EPB41L5: variants seen among roughly 807,000 people sequenced by gnomAD.
The protein encoded by EPB41L5 is band 4.1-like protein 5.
In EPB41L5, 55 loss-of-function variants were observed where a neutral mutation model predicts 106.6. That is an observed-to-expected ratio of 0.52 (90% confidence interval 0.42 to 0.65). The LOEUF (loss-of-function observed/expected upper bound fraction) is 0.65. EPB41L5 is among the 30% of genes least tolerant of loss of function. EPB41L5 has a pLI of 0.00. For missense variants in EPB41L5, 871 were observed against 882.1 expected, an observed-to-expected ratio of 0.99 and a Z score of 0.16; for synonymous variants, 297 against 306.7, an observed-to-expected ratio of 0.97 and a Z score of 0.33.
Position 120,013,529 on chromosome 2 carries a change from C to T in EPB41L5, c.-9+319C>T, listed in dbSNP as rs549626414. 7 of 152,364 alleles carry T rather than the reference C, an allele frequency of 4.6e-5. No individual in the cohort carries two copies. The South Asian group carries it at 1.5e-3, about 32-fold the overall frequency. The allele number at this position is 152,364 out of a possible 1,614,324, so 9.4% of individuals were successfully genotyped here. A position where few individuals can be genotyped will look rare whatever the true frequency, so the allele number is the denominator to read the frequency against. On this transcript the variant is annotated intron_variant, in intron 1 of 24. Coordinates refer to ENST00000263713, the MANE Select transcript of EPB41L5 (RefSeq NM_020909.4). ...ACGCGCTCCCCGAGCCGCGGGTACC[C>T]CTCGCTGGTCCGCTGGGCTGCCGTC...
intron 10 of EPB41L5, among the ~76,000 whole-genome samples, chr2:120,080,377 A>G (rs1259711207): frequency 6.6e-6 from 1 of 151,728 alleles, no homozygotes. Context: ...TTGTCCTTGC[A>G]ATAGTTTGCT....
chr2:120,144,061 T>C (rs1359265272), intron 19 of EPB41L5, among the ~76,000 whole-genome samples: 1 of 152,164 alleles, frequency 6.6e-6, no homozygotes, highest in African/African-American at 2.4e-5. Context: ...TGACCCTCAA[T>C]AGTTATAGTA....
chr2:120,123,646 C>CTTTTTTTTTTT (rs869296989), intron 16 of EPB41L5, among the ~76,000 whole-genome samples: 1 of 68,304 alleles, frequency 1.5e-5, no homozygotes, highest in Non-Finnish European at 2.8e-5. Flanking sequence ...GTGTTCGTCC[C>CTTTTTTTTTTT]TTTTTTTTTT....
At chr2:120,057,282 G>T (rs1363227140) in intron 3 of EPB41L5, among the ~76,000 whole-genome samples, 1 of 152,180 alleles carries the variant, frequency 6.6e-6, no homozygotes, top group Non-Finnish European at 1.5e-5. Context: ...TATTATTCTG[G>T]TAAACCAGAA....
chr2:120,087,815 A>G (rs945963575), intron 11 of EPB41L5, among the ~76,000 whole-genome samples: 1 of 139,910 alleles, frequency 7.1e-6, no homozygotes, highest in Non-Finnish European at 1.5e-5. Flanking sequence ...TAACTGATCA[A>G]AAAGATCTAC....
chr2:120,097,817 A>G (rs1340020821), intron 14 of EPB41L5, among the ~76,000 whole-genome samples: 1 of 152,270 alleles, frequency 6.6e-6, no homozygotes, highest in African/African-American at 2.4e-5. Context: ...GAAAGAATGT[A>G]TATAATTATC....
intron 18 of EPB41L5, among the ~76,000 whole-genome samples, chr2:120,135,220 TAGTG>T (rs1685872360): frequency 6.6e-6 from 1 of 151,870 alleles, no homozygotes; most frequent in East Asian, 1.9e-4. Flanking sequence ...AAGAAAGAAT[TAGTG>T]AGCTTGAAGA....
At chr2:120,106,579 G>T in intron 16 of EPB41L5, 1 of 985,336 alleles carries the variant, frequency 1.0e-6, no homozygotes, top group Non-Finnish European at 1.2e-6. Flanking sequence ...TGATCAAAGG[G>T]TGTCATCAGT....
At chr2:120,066,368 A>G (rs942713777) in intron 3 of EPB41L5, among the ~76,000 whole-genome samples, 2 of 152,228 alleles carry the variant, frequency 1.3e-5, no homozygotes, top group African/African-American at 2.4e-5. Flanking sequence ...AGAAAATTGT[A>G]TATCTTGACA....
At chr2:120,049,920 T>A (rs963993825) in intron 3 of EPB41L5, among the ~76,000 whole-genome samples, 1 of 152,198 alleles carries the variant, frequency 6.6e-6, no homozygotes, top group Non-Finnish European at 1.5e-5. Context: ...CCTTCACTTA[T>A]GAAGCTTAGT....
At chr2:120,136,476 A>T (rs968811249) in intron 18 of EPB41L5, among the ~76,000 whole-genome samples, 3 of 151,294 alleles carry the variant, frequency 2.0e-5, no homozygotes, top group Non-Finnish European at 4.4e-5. Flanking sequence ...TGGATTAAAA[A>T]AAAAAAAGCC....
rs1687892846 is a variant in EPB41L5, at chr2:120,175,640, C to T, written c.*733C>T. On this transcript the variant is annotated 3_prime_UTR_variant, in exon 25 of 25. Transcript: ENST00000263713. ...ACAGGAAGCACTCACAGGCACCACA[C>T]ACGTATCATGTAACTTATCAGTGGG... The T allele has an allele frequency of 6.6e-6, 1 of 152,098 alleles. No homozygotes were observed. Among genetic ancestry groups the T allele is most frequent in the Non-Finnish European group, 1.5e-5 (1 of 68,060 alleles). 9.4% of individuals were successfully genotyped at this position (152,098 alleles called of 1,614,324 possible).
At chr2:120,043,598 C>T (rs1023631817) in intron 3 of EPB41L5, among the ~76,000 whole-genome samples, 8 of 151,080 alleles carry the variant, frequency 5.3e-5, no homozygotes, top group Admixed American at 3.3e-4. Context: ...ATTAGCTGGG[C>T]GTGGCGGTGC....
chr2:120,086,791 G>GT (rs922295360), intron 10 of EPB41L5, among the ~76,000 whole-genome samples: 44 of 152,016 alleles, frequency 2.9e-4, no homozygotes, highest in Admixed American at 2.4e-3. Context: ...CTTTATGGCT[G>GT]TTTTTTTTAA....
chr2:120,118,217 C>T (rs1282122075), intron 16 of EPB41L5, among the ~76,000 whole-genome samples: 1 of 152,140 alleles, frequency 6.6e-6, no homozygotes, highest in Non-Finnish European at 1.5e-5. Context: ...TTGTTATTTT[C>T]CAGATGGCTT....
In EPB41L5 at chr2:120,121,007, C is replaced by A. The variant is rs192565638; in HGVS notation, c.1338-6681C>A. Among the ~76,000 whole-genome samples the A allele has an allele frequency of 1.6e-3, 248 of 152,258 alleles. 1 individual carries two copies. Among genetic ancestry groups the A allele is most frequent in the African/African-American group, 5.7e-3 (238 of 41,548 alleles). ...TGGCCGGCACCTGCAATCCCAGCCA[C>A]TGGTGAGGATAAGGCAGGAGAATCG... On this transcript the variant is annotated intron_variant, in intron 16 of 24. Transcript: ENST00000263713.
intron 3 of EPB41L5, among the ~76,000 whole-genome samples, chr2:120,053,092 T>A (rs1680398225): frequency 6.6e-6 from 1 of 152,200 alleles, no homozygotes; most frequent in African/African-American, 2.4e-5. Flanking sequence ...TTTATTTTTA[T>A]TTTTTGCTGT....
rs1683338432 is a variant in EPB41L5 at position 120,090,516 on chromosome 2, G to A, written c.1043G>A (p.Ser348Asn). 6.2e-7 allele frequency: 1 copy of A among 1,606,556 alleles called. No individual in the cohort carries two copies. The highest frequency in any genetic ancestry group is 1.3e-5 in the African/African-American group (1 of 74,556). ...FIRLGSRFRY[S>N]GKTEYQTTKT... Reference sequence around the variant, plus strand: ...CGACTAGGATCACGATTTAGATATAGGTTAATTTTAATTGCTGTTTTATCT... The same window carrying A: ...CGACTAGGATCACGATTTAGATATAAGTTAATTTTAATTGCTGTTTTATCT... The change falls in exon 12 of 25, where the codon AGT becomes AAT. Residue 348 changes from serine to asparagine, a missense_variant and splice_region_variant. By Grantham distance (46) the Ser-to-Asn change is conservative. Transcript: ENST00000263713.
Position 120,153,798 on chromosome 2 carries a change from A to G in EPB41L5, c.1794-7083A>G, listed in dbSNP as rs572416500. ...TTGATTTGAAGTCTATTTGTCTGAT[A>G]TTAGTATAGCAACCACAGCTGTCTT... On this transcript the variant is annotated intron_variant, in intron 20 of 24. Transcript: ENST00000263713. Among the ~76,000 whole-genome samples the G allele has an allele frequency of 5.9e-5, 9 of 152,274 alleles. No individual in the cohort carries two copies. In the South Asian group the frequency reaches 1.9e-3, roughly 32 times the overall value.
Sources: allele counts gnomAD v4.1 joint callset (sites outside exome capture counted in the v4.1 genomes callset), GRCh38; gene constraint gnomAD v4.1.1; transcripts MANE v1.5; gene names NCBI Gene and HGNC (gene_info 2026-07-23, HGNC 2026-07-21).